CHD1L: variants seen among roughly 807,000 people sequenced by gnomAD.
CHD1L encodes chromodomain helicase DNA binding protein 1 like.
In CHD1L, 118 loss-of-function variants were observed where a neutral mutation model predicts 115.9. The observed-to-expected ratio is 1.02, with a 90% CI of 0.88 to 1.19. The LOEUF (loss-of-function observed/expected upper bound fraction) is 1.19, where lower values mean the gene tolerates loss of function less well. Among genes scored for constraint, CHD1L ranks in the 50% most tolerant of loss-of-function variants. The probability of loss-of-function intolerance (pLI) is 0.00; values close to 1 mark genes in which losing one functional copy is unlikely to be tolerated. For synonymous variants in CHD1L, 411 were observed against 387.1 expected, an observed-to-expected ratio of 1.06 and a Z score of -0.72; for missense variants, 1,179 against 1,065.3, an observed-to-expected ratio of 1.11 and a Z score of -1.49.
chr1:147,204,518 C>A, the CHD1L span: 8 of 1,567,608 alleles, frequency 5.1e-6, no homozygotes, highest in South Asian at 7.8e-5. Flanking sequence ...ATCTCATGAG[C>A]TTTTCTGCAA....
chr1:147,189,088 A>G, the CHD1L span, among the ~76,000 whole-genome samples: 1 of 152,094 alleles, frequency 6.6e-6, no homozygotes, highest in East Asian at 1.9e-4. Context: ...AGCCTGGCCA[A>G]CATGGAGAAA....
At position 147,279,580 on chromosome 1, in the gene CHD1L, A is replaced by G. The variant is rs80290435; in HGVS notation, c.1540-446A>G. On this transcript the variant is annotated intron_variant, in intron 14 of 22. Coordinates refer to ENST00000369258, the MANE Select transcript of CHD1L (RefSeq NM_004284.6). ...ATTGCCAAAGAAAAGGAGTCAGTTC[A>G]TGATAGAGGTAAAGTTCCTAGTGTA... Among the ~76,000 whole-genome samples the G allele has an allele frequency of 8.9e-3, 1,354 of 152,308 alleles. 44 individuals carry two copies. In the East Asian group the frequency reaches 0.11, roughly 13 times the overall value.
chr1:147,287,458 G>A (rs1683622240), intron 18 of CHD1L, among the ~76,000 whole-genome samples, 177 bp from the exon 19 acceptor site: 1 of 152,160 alleles, frequency 6.6e-6, no homozygotes, highest in South Asian at 2.1e-4. Flanking sequence ...ATATCTTCCA[G>A]AAAACATAAA....
At chr1:147,275,959 C>A in intron 13 of CHD1L, 145 bp from the exon 14 acceptor site, 1 of 759,816 alleles carries the variant, frequency 1.3e-6, no homozygotes, top group Non-Finnish European at 2.1e-6. Context: ...AACAAGTGCT[C>A]AGGACCAAAT....
chr1:147,185,350 TAAAAG>T, the CHD1L span, among the ~76,000 whole-genome samples: 1 of 152,158 alleles, frequency 6.6e-6, no homozygotes, highest in East Asian at 1.9e-4. Flanking sequence ...ATTTATATGT[TAAAAG>T]AAATTAAAAG....
intron 10 of CHD1L, among the ~76,000 whole-genome samples, chr1:147,269,689 AC>A (rs1553951431): frequency 1.4e-5 from 2 of 144,952 alleles, no homozygotes; most frequent in African/African-American, 5.1e-5. Context: ...AAAAAAAAAG[AC>A]CAGGTTCAGT....
chr1:147,291,932 A>T (rs1553970938), intron 20 of CHD1L, among the ~76,000 whole-genome samples: 1 of 151,100 alleles, frequency 6.6e-6, no homozygotes, highest in Non-Finnish European at 1.5e-5. Context: ...CCCTTTAAAG[A>T]CTCTGTCTCT....
chr1:147,287,776 G>T, intron 19 of CHD1L, 43 bp downstream of exon 19: 1 of 1,534,390 alleles, frequency 6.5e-7, no homozygotes. Context: ...TGGAATAAGA[G>T]AGAAGAGGAC....
At chr1:147,201,456 G>C in the CHD1L span, 1 of 1,614,140 alleles carries the variant, frequency 6.2e-7, no homozygotes, top group South Asian at 1.1e-5. Context: ...AGCCAGAAAT[G>C]ATACGATTTG....
the CHD1L span, among the ~76,000 whole-genome samples, chr1:147,191,458 AT>A: frequency 6.6e-6 from 1 of 151,874 alleles, no homozygotes; most frequent in African/African-American, 2.4e-5. Flanking sequence ...TTTTTCATGT[AT>A]TTTTTGGCTG....
chr1:147,210,394 T>C, the CHD1L span: 1 of 152,240 alleles, frequency 6.6e-6, no homozygotes. Flanking sequence ...TATGAAACTC[T>C]CTGGAGATGG....
chr1:147,221,119 A>T, the CHD1L span, among the ~76,000 whole-genome samples: 1 of 131,032 alleles, frequency 7.6e-6, no homozygotes, highest in African/African-American at 2.9e-5. Flanking sequence ...TGGCCCCAAA[A>T]CTATCAAGGG....
chr1:147,275,499 G>T (rs1553956975), intron 13 of CHD1L, 31 bp downstream of exon 13: 1 of 1,537,834 alleles, frequency 6.5e-7, no homozygotes, highest in Admixed American at 1.7e-5. Flanking sequence ...TCCTTGGCTT[G>T]CCCAGCAGCA....
At chr1:147,242,934 C>T (rs999022897) in intron 1 of CHD1L, 104 bp downstream of exon 1, 12 of 1,202,154 alleles carry the variant, frequency 1.0e-5, no homozygotes, top group South Asian at 8.6e-5. Context: ...GGCAGTTTAC[C>T]CGCTCGCGCC....
chr1:147,221,074 A>T, the CHD1L span, among the ~76,000 whole-genome samples: 1 of 152,242 alleles, frequency 6.6e-6, no homozygotes, highest in Non-Finnish European at 1.5e-5. Flanking sequence ...AAAAAATAAG[A>T]TAAATCCCAA....
At chr1:147,256,585 G>A in intron 5 of CHD1L, 23 bp downstream of exon 5, 10 of 1,606,928 alleles carry the variant, frequency 6.2e-6, no homozygotes, top group Non-Finnish European at 8.5e-6. Flanking sequence ...TACTATTTAA[G>A]AACTTGGGTT....
intron 15 of CHD1L, among the ~76,000 whole-genome samples, chr1:147,283,672 C>T (rs868913696): frequency 6.6e-6 from 1 of 152,180 alleles, no homozygotes; most frequent in Non-Finnish European, 1.5e-5. Context: ...GTTATTATTA[C>T]CACAGTTATT....
chr1:147,276,781 TCTC>T (rs1344400775), intron 14 of CHD1L, among the ~76,000 whole-genome samples: 4 of 152,160 alleles, frequency 2.6e-5, no homozygotes, highest in African/African-American at 9.7e-5. Flanking sequence ...ATTTTAGAGC[TCTC>T]TTTTGGAAGA....
chr1:147,277,684 G>A (rs1679059526), intron 14 of CHD1L, among the ~76,000 whole-genome samples: 1 of 152,138 alleles, frequency 6.6e-6, no homozygotes, highest in African/African-American at 2.4e-5. Context: ...TTCACACTAA[G>A]AGACAATTAT....
Sources: gnomAD v4.1 joint callset for allele counts (sites outside exome capture counted in the v4.1 genomes callset) on GRCh38, gnomAD v4.1.1 for gene constraint, MANE v1.5 for transcripts, NCBI Gene and HGNC (gene_info 2026-07-23, HGNC 2026-07-21) for gene names.